The following ADAM12 variants were observed in gnomAD, a reference collection of about 807,000 sequenced individuals.
ADAM12 encodes disintegrin and metalloproteinase domain-containing protein 12.
A neutral mutation model predicts 106.4 loss-of-function variants in ADAM12; 70 were observed. The observed-to-expected ratio is 0.66, with a 90% CI of 0.54 to 0.80. The LOEUF (loss-of-function observed/expected upper bound fraction) is 0.80. Ranked by LOEUF, ADAM12 falls within the 30% of genes least tolerant of loss-of-function variation. The pLI is 0.00. For missense variants in ADAM12, 1,010 were observed against 1,171.9 expected, an observed-to-expected ratio of 0.86 and a Z score of 2.02; for synonymous variants, 420 against 433.5, an observed-to-expected ratio of 0.97 and a Z score of 0.39.
chr10:126,086,707 A>ATATATATATATATAT (rs1449849709), intron 11 of ADAM12, among the ~76,000 whole-genome samples: 3 of 92,926 alleles, frequency 3.2e-5, no homozygotes, highest in African/African-American at 8.6e-5. Flanking sequence ...ATATATATAT[A>ATATATATATATATAT]AAATAAAATA....
chr10:126,382,421 T>G (rs1321794902), intron 1 of ADAM12, among the ~76,000 whole-genome samples: 1 of 152,190 alleles, frequency 6.6e-6, no homozygotes, highest in African/African-American at 2.4e-5. Flanking sequence ...GGATTAAGTT[T>G]AAACAATACA....
chr10:126,126,349 G>C (rs373488209), intron 5 of ADAM12, among the ~76,000 whole-genome samples: 3 of 152,214 alleles, frequency 2.0e-5, no homozygotes, highest in African/African-American at 7.2e-5. Flanking sequence ...GGAATTCCTC[G>C]TGTGGTTTTG....
intron 3 of ADAM12, among the ~76,000 whole-genome samples, chr10:126,228,936 G>C (rs1417771530): frequency 6.6e-6 from 1 of 152,204 alleles, no homozygotes; most frequent in African/African-American, 2.4e-5. Context: ...ATTCTTACTG[G>C]CAGTGTGTAC....
intron 3 of ADAM12, among the ~76,000 whole-genome samples, chr10:126,160,587 C>T (rs1452670835): frequency 1.3e-5 from 2 of 152,174 alleles, no homozygotes; most frequent in African/African-American, 2.4e-5. Context: ...AGGTGTCATG[C>T]GCTCCACACC....
chr10:126,218,645 G>T (rs1406549578), intron 3 of ADAM12, among the ~76,000 whole-genome samples: 1 of 152,188 alleles, frequency 6.6e-6, no homozygotes, highest in Non-Finnish European at 1.5e-5. Context: ...CAATGGGTCT[G>T]CCTTGCCAGG....
At chr10:126,218,201 A>G (rs1275376660) in intron 3 of ADAM12, among the ~76,000 whole-genome samples, 1 of 151,968 alleles carries the variant, frequency 6.6e-6, no homozygotes, top group Non-Finnish European at 1.5e-5. Context: ...GGGGGTGGTA[A>G]CTATCATCCA....
chr10:126,249,327 G>A (rs1366667557), intron 3 of ADAM12, among the ~76,000 whole-genome samples: 2 of 152,202 alleles, frequency 1.3e-5, no homozygotes, highest in Non-Finnish European at 2.9e-5. Context: ...AGTCTAGGTG[G>A]GGGTTGGTGG....
intron 17 of ADAM12, among the ~76,000 whole-genome samples, chr10:126,044,605 G>C (rs1674896): frequency 0.56 from 84,899 of 152,128 alleles, 27,103 homozygotes; most frequent in African/African-American, 0.86. Context: ...CAGATATACA[G>C]TTTCATATTT....
At chr10:126,323,718 G>A (rs961080329) in intron 2 of ADAM12, among the ~76,000 whole-genome samples, 3 of 152,168 alleles carry the variant, frequency 2.0e-5, no homozygotes, top group Admixed American at 6.5e-5. Context: ...CTGTGATCGC[G>A]CCAGAGAGCT....
chr10:126,314,879 AC>A (rs1383636968), intron 2 of ADAM12, among the ~76,000 whole-genome samples: 1 of 151,986 alleles, frequency 6.6e-6, no homozygotes, highest in Non-Finnish European at 1.5e-5. Flanking sequence ...CTCGTTCAAA[AC>A]CCCTGCTATG....
At chr10:126,027,334 C>CA (rs992011909) in intron 21 of ADAM12, among the ~76,000 whole-genome samples, 1 of 151,940 alleles carries the variant, frequency 6.6e-6, no homozygotes, top group Non-Finnish European at 1.5e-5. Context: ...GAAACTATTC[C>CA]AAAAAAATTG....
chr10:126,151,655 T>C (rs113182489), intron 4 of ADAM12, among the ~76,000 whole-genome samples: 67 of 152,142 alleles, frequency 4.4e-4, no homozygotes, highest in African/African-American at 1.6e-3. Flanking sequence ...ACTATTTGTT[T>C]CTTATATGTT....
At chr10:126,121,430 T>A (rs9422946) in intron 5 of ADAM12, among the ~76,000 whole-genome samples, 82,634 of 126,616 alleles carry the variant, frequency 0.65, 27,855 homozygotes, top group African/African-American at 0.82. Context: ...TGCAATATAT[T>A]ATATATTGCA....
At chr10:126,069,579 AAT>A (rs1229351775) in intron 12 of ADAM12, among the ~76,000 whole-genome samples, 4 of 152,248 alleles carry the variant, frequency 2.6e-5, no homozygotes, top group African/African-American at 9.6e-5. Context: ...GGAGGATCAG[AAT>A]ATGAGTGGCT....
chr10:126,353,806 G>A (rs560410090), intron 1 of ADAM12, among the ~76,000 whole-genome samples: 26 of 152,238 alleles, frequency 1.7e-4, no homozygotes, highest in Admixed American at 1.2e-3. Flanking sequence ...AGCTCCCTGC[G>A]GTAATCAATT....
chr10:126,368,356 G>GA (rs1855989277), intron 1 of ADAM12, among the ~76,000 whole-genome samples: 3 of 118,414 alleles, frequency 2.5e-5, no homozygotes, highest in Non-Finnish European at 5.4e-5. Context: ...TGTGTGATTT[G>GA]TTTTTTTTTT....
intron 3 of ADAM12, among the ~76,000 whole-genome samples, chr10:126,206,875 G>A (rs1266965852): frequency 7.3e-6 from 1 of 136,886 alleles, no homozygotes; most frequent in African/African-American, 2.6e-5. Flanking sequence ...GGGAGCCAGT[G>A]GGAGGTAATT....
At chr10:126,281,302 C>T (rs894965788) in intron 2 of ADAM12, among the ~76,000 whole-genome samples, 1 of 152,134 alleles carries the variant, frequency 6.6e-6, no homozygotes, top group East Asian at 1.9e-4. Flanking sequence ...AACTTAGTTA[C>T]TTTAGTTACA....
At chr10:126,018,433 G>A (rs1953699474) in intron 22 of ADAM12, among the ~76,000 whole-genome samples, 1 of 152,104 alleles carries the variant, frequency 6.6e-6, no homozygotes, top group African/African-American at 2.4e-5. Flanking sequence ...GCTACCACCT[G>A]ACATCACTAA....
Sources: allele counts gnomAD v4.1 joint callset (sites outside exome capture counted in the v4.1 genomes callset), GRCh38; gene constraint gnomAD v4.1.1; transcripts MANE v1.5; gene names NCBI Gene and HGNC (gene_info 2026-07-23, HGNC 2026-07-21).